FHIT: variants seen among roughly 807,000 people sequenced by gnomAD.
The protein encoded by FHIT is bis(5'-adenosyl)-triphosphatase.
A neutral mutation model predicts 17.9 loss-of-function variants in FHIT; 19 were observed. That is an observed-to-expected ratio of 1.06 (90% CI 0.74 to 1.56). The LOEUF (loss-of-function observed/expected upper bound fraction) is 1.56, where lower values mean the gene tolerates loss of function less well. FHIT is among the 40% of genes most tolerant of loss of function. FHIT has a pLI of 0.00. For synonymous variants in FHIT, 81 were observed against 69.7 expected, an observed-to-expected ratio of 1.16 and a Z score of -0.81; for missense variants, 248 against 189.2, an observed-to-expected ratio of 1.31 and a Z score of -1.82.
intron 4 of FHIT, among the ~76,000 whole-genome samples, chr3:60,680,502 G>A (rs905756803): frequency 5.4e-5 from 8 of 149,528 alleles, no homozygotes; most frequent in African/African-American, 1.7e-4. Flanking sequence ...ATGTTGCCTC[G>A]ATTAACATTT....
At chr3:60,959,434 C>A (rs782164968) in intron 3 of FHIT, among the ~76,000 whole-genome samples, 7 of 152,172 alleles carry the variant, frequency 4.6e-5, no homozygotes, top group Non-Finnish European at 8.8e-5. Context: ...GTATGTTCAA[C>A]AAACAGCATA....
At chr3:60,847,335 G>A (rs1702962010) in intron 3 of FHIT, among the ~76,000 whole-genome samples, 1 of 118,842 alleles carries the variant, frequency 8.4e-6, no homozygotes, top group African/African-American at 3.2e-5. Context: ...GCTGTTGCTT[G>A]CACATTTTAG....
chr3:60,177,775 A>G (rs1701745295), intron 5 of FHIT, among the ~76,000 whole-genome samples: 1 of 152,224 alleles, frequency 6.6e-6, no homozygotes, highest in Non-Finnish European at 1.5e-5. Flanking sequence ...TTCTCACTCC[A>G]TCAAGACTTC....
intron 7 of FHIT, among the ~76,000 whole-genome samples, chr3:59,954,060 T>C (rs541375862): frequency 1.3e-5 from 2 of 152,262 alleles, no homozygotes; most frequent in African/African-American, 2.4e-5. Context: ...AATCAAGCAA[T>C]GGCAGTTTAA....
intron 3 of FHIT, among the ~76,000 whole-genome samples, chr3:60,922,373 T>C (rs1408466466): frequency 1.3e-5 from 2 of 152,176 alleles, no homozygotes; most frequent in Non-Finnish European, 2.9e-5. Flanking sequence ...TAAAAATGCA[T>C]CCTGGGTGCT....
intron 8 of FHIT, among the ~76,000 whole-genome samples, chr3:59,882,084 T>G (rs1162413808): frequency 6.6e-6 from 1 of 152,228 alleles, no homozygotes; most frequent in Non-Finnish European, 1.5e-5. Flanking sequence ...GGTGTTTACA[T>G]TGCTTACTGT....
At chr3:59,967,746 C>T (rs982859686) in intron 7 of FHIT, among the ~76,000 whole-genome samples, 1 of 151,650 alleles carries the variant, frequency 6.6e-6, no homozygotes, top group African/African-American at 2.4e-5. Context: ...CTACAAAATA[C>T]AACATATAGT....
intron 5 of FHIT, among the ~76,000 whole-genome samples, chr3:60,196,692 T>C (rs1290831266): frequency 6.6e-6 from 1 of 152,022 alleles, no homozygotes; most frequent in African/African-American, 2.4e-5. Context: ...CATACATACA[T>C]ACATATAAAC....
intron 5 of FHIT, among the ~76,000 whole-genome samples, chr3:60,525,326 T>G (rs2035531641): frequency 6.6e-6 from 1 of 152,242 alleles, no homozygotes; most frequent in Non-Finnish European, 1.5e-5. Flanking sequence ...CATCCTGTTT[T>G]GAACCAAAAT....
At chr3:60,254,729 C>T (rs74744673) in intron 5 of FHIT, among the ~76,000 whole-genome samples, 29 of 152,260 alleles carry the variant, frequency 1.9e-4, no homozygotes, top group African/African-American at 6.7e-4. Flanking sequence ...ACAATCCACT[C>T]CCCTACCCAA....
intron 1 of FHIT, among the ~76,000 whole-genome samples, chr3:61,239,782 T>TATATATATATATATATAC (rs895030251): frequency 6.2e-5 from 9 of 144,032 alleles, no homozygotes; most frequent in Non-Finnish European, 6.0e-5. Context: ...TATATATATA[T>TATATATATATATATATAC]ATACACAAAT....
chr3:60,314,368 C>T lies in FHIT; in HGVS notation c.103+222492G>A, dbSNP rs534092792. ...TATCTGGCTTCAATCTGACAGTTAA[C>T]TGTAGGCCGTGAATGATTAAATAAA... On this transcript the variant is annotated intron_variant, in intron 5 of 9. Transcript: ENST00000492590. Among the ~76,000 whole-genome samples the T allele has an allele frequency of 2.0e-5, 3 of 152,212 alleles. No homozygotes were observed. The East Asian group carries it at 5.8e-4, about 29-fold the overall frequency.
intron 4 of FHIT, among the ~76,000 whole-genome samples, chr3:60,791,418 A>G (rs1553728447): frequency 6.6e-6 from 1 of 152,222 alleles, no homozygotes; most frequent in Non-Finnish European, 1.5e-5. Context: ...ATTTAACTAA[A>G]ACTTTCTGCC....
At chr3:60,263,756 T>G (rs1158037300) in intron 5 of FHIT, among the ~76,000 whole-genome samples, 6 of 152,032 alleles carry the variant, frequency 3.9e-5, no homozygotes, top group Admixed American at 3.3e-4. Flanking sequence ...TATGTAAATT[T>G]TATGTGTGTT....
chr3:60,273,391 A>T (rs529384397), intron 5 of FHIT, among the ~76,000 whole-genome samples: 2 of 152,080 alleles, frequency 1.3e-5, no homozygotes, highest in African/African-American at 4.8e-5. Context: ...GGTGGATCAC[A>T]AGGTCAGGAG....
At chr3:60,444,085 TG>T (rs776056081) in intron 5 of FHIT, among the ~76,000 whole-genome samples, 19 of 151,922 alleles carry the variant, frequency 1.3e-4, no homozygotes, top group Non-Finnish European at 1.8e-4. Context: ...AAAAGACACA[TG>T]AAAAAAATGC....
intron 7 of FHIT, among the ~76,000 whole-genome samples, chr3:59,965,870 C>G (rs974035): frequency 0.086 from 13,142 of 152,206 alleles, 654 homozygotes; most frequent in Middle Eastern, 0.16. Context: ...CCTCTTGGCT[C>G]TATCAAACAA....
At chr3:60,945,488 GTTCGAGTGATTC>G (rs1708598056) in intron 3 of FHIT, among the ~76,000 whole-genome samples, 1 of 152,120 alleles carries the variant, frequency 6.6e-6, no homozygotes, top group African/African-American at 2.4e-5. Context: ...TGCCTCCTGG[GTTCGAGTGATTC>G]TCCAGCCTCA....
At position 60,830,317 on chromosome 3, in the gene FHIT, G is replaced by C. The variant is rs868915901; in HGVS notation, c.-110-8306C>G. On this transcript the variant is annotated intron_variant, in intron 3 of 9. Transcript: ENST00000492590. ...ACACTTACTTTTCTGTAGTCTCCAG[G>C]TTCAGAGGAAAGAACTCAAAAAAGT... Among the ~76,000 whole-genome samples the C allele has an allele frequency of 2.6e-5, 4 of 152,124 alleles. No homozygotes were observed. The South Asian group carries it at 6.2e-4, about 24-fold the overall frequency.
Sources: allele counts gnomAD v4.1 joint callset (sites outside exome capture counted in the v4.1 genomes callset), GRCh38; gene constraint gnomAD v4.1.1; transcripts MANE v1.5; gene names NCBI Gene and HGNC (gene_info 2026-07-23, HGNC 2026-07-21).